PABPC1: variants seen among roughly 807,000 people sequenced by gnomAD.
PABPC1 encodes polyadenylate-binding protein 1.
A neutral mutation model predicts 74.0 loss-of-function variants in PABPC1; 4 were observed. The observed-to-expected ratio is 0.05, with a 90% confidence interval of 0.03 to 0.12. The LOEUF is 0.12. Among genes scored for constraint, PABPC1 ranks in the 10% least tolerant of loss-of-function variants. The pLI, the probability that PABPC1 is intolerant of heterozygous loss-of-function variation, is 1.00. For missense variants in PABPC1, 271 were observed against 821.1 expected, an observed-to-expected ratio of 0.33 and a Z score of 8.19; for synonymous variants, 227 against 264.1, an observed-to-expected ratio of 0.86 and a Z score of 1.36.
chr8:100,713,319 CAGGT>C (rs1162902138), intron 4 of PABPC1, 138 bp from the exon 5 acceptor site: 2 of 514,654 alleles, frequency 3.9e-6, no homozygotes, highest in Non-Finnish European at 6.8e-6. Flanking sequence ...TTCTATGCCC[CAGGT>C]AGGTATACTT....
At position 100,709,434 on chromosome 8, in the gene PABPC1, G is replaced by A. The variant is rs1810471054; in HGVS notation, c.1245+25C>T. ...ATGACCAAATACGAAAACCTTCATG[G>A]TTCTGGTTGCCTTCTAAAACCTACC... On this transcript the variant is annotated intron_variant, in intron 8 of 14. Transcript: ENST00000318607. 2.5e-6 allele frequency: 4 copies of A among 1,613,628 alleles called. No individual in the cohort carries two copies. The East Asian group carries it at 8.9e-5, about 36-fold the overall frequency.
At chr8:100,711,669 A>T (rs1189256510) in intron 7 of PABPC1, among the ~76,000 whole-genome samples, 1 of 152,248 alleles carries the variant, frequency 6.6e-6, no homozygotes, top group African/African-American at 2.4e-5. Context: ...TCTTACTTGT[A>T]TTCAACCACC....
chr8:100,719,772 G>T (rs1485280316), intron 1 of PABPC1, among the ~76,000 whole-genome samples: 1 of 152,152 alleles, frequency 6.6e-6, no homozygotes, highest in East Asian at 1.9e-4. Context: ...TCATTTTGTG[G>T]TCTCTAGAAT....
intron 1 of PABPC1, 28 bp from the exon 2 acceptor site, chr8:100,718,308 T>C (rs561670397): frequency 5.7e-6 from 9 of 1,584,304 alleles, no homozygotes; most frequent in African/African-American, 2.7e-5. Context: ...TCAGAGTCAA[T>C]ATTACTTCAA....
chr8:100,712,386 T>A lies in PABPC1; in HGVS notation c.948A>T (p.Pro316=), dbSNP rs1477862478. ...DDERLRKEFS[P]FGTITSAKVM... Reference sequence around the variant, plus strand: ...CCTTTGCACTAGTGATTGTACCAAATGGAGAAAACTCTTTCCGGAGACGTT... The same window carrying A: ...CCTTTGCACTAGTGATTGTACCAAAAGGAGAAAACTCTTTCCGGAGACGTT... Residue 316 remains proline, a synonymous_variant, in exon 7 of 15, where the codon CCA becomes CCT. Coordinates refer to ENST00000318607, the MANE Select transcript of PABPC1 (RefSeq NM_002568.4). 6.2e-7 allele frequency: 1 copy of A among 1,605,710 alleles called. No individual in the cohort carries two copies. The highest frequency in any genetic ancestry group is 1.3e-5 in the African/African-American group (1 of 74,618).
chr8:100,709,957 A>C, intron 7 of PABPC1: 1 of 458,706 alleles, frequency 2.2e-6, no homozygotes, highest in Non-Finnish European at 3.9e-6. Flanking sequence ...AACTGACAGA[A>C]GTGAAGGCTG....
At chr8:100,713,224 A>G (rs1208180279) in intron 4 of PABPC1, 43 bp from the exon 5 acceptor site, 2 of 1,163,632 alleles carry the variant, frequency 1.7e-6, no homozygotes, top group Non-Finnish European at 2.5e-6. Flanking sequence ...TCCATACAAC[A>G]TTCACGTTAT....
chr8:100,713,038 G>A (rs1368398620), intron 5 of PABPC1, 49 bp downstream of exon 5: 3 of 1,305,136 alleles, frequency 2.3e-6, no homozygotes, highest in Non-Finnish European at 3.2e-6. Flanking sequence ...CAACACAAGA[G>A]CAACTCAACT....
At position 100,721,642 on chromosome 8, in the gene PABPC1, G is replaced by C. The variant is rs985354048; in HGVS notation, c.-59C>G. 1.1e-5 allele frequency: 15 copies of C among 1,332,862 alleles called. No homozygotes were observed. Among genetic ancestry groups the C allele is most frequent in the Non-Finnish European group, 1.3e-5 (13 of 1,015,392 alleles). 82.6% of individuals were successfully genotyped at this position (1,332,862 alleles called of 1,614,324 possible). On this transcript the variant is annotated 5_prime_UTR_variant, in exon 1 of 15. Coordinates refer to ENST00000318607, the MANE Select transcript of PABPC1 (RefSeq NM_002568.4). The surrounding 1 kb of genome is among the most constrained non-coding windows in gnomAD (Gnocchi z 7.4). ...GACCTTTCCGTGAGAGGAGGAGAGC[G>C]AGTGCCGGGGCTGGGGGCCGGAGCC...
At position 100,704,309 on chromosome 8, in the gene PABPC1, G is replaced by A. The variant is rs1810325165; in HGVS notation, c.1900C>T (p.Pro634Ser). The change falls in exon 14 of 15, where the codon CCA (proline) becomes TCA (serine). Residue 634 changes from proline (P) to serine (S), a missense_variant. Transcript: ENST00000318607. ...QKAVNSATGV[P>S]TV The stretch of plus-strand genomic sequence containing the variant: ...GGGAAAAGCTCACTTTAAACAGTTG[G>A]AACACCGGTGGCACTGTTAACTGCT... 1 of 1,613,016 alleles carries A rather than the reference G, an allele frequency of 6.2e-7. No individual in the cohort carries two copies. Among genetic ancestry groups the A allele is most frequent in the Middle Eastern group, 1.7e-4 (1 of 6,060 alleles).
intron 1 of PABPC1, among the ~76,000 whole-genome samples, chr8:100,718,844 T>C (rs370336551): frequency 6.6e-6 from 1 of 152,224 alleles, no homozygotes; most frequent in Non-Finnish European, 1.5e-5. Flanking sequence ...CAGTGATTCA[T>C]GGCACAACTT....
intron 5 of PABPC1, 97 bp downstream of exon 5, chr8:100,712,990 A>G: frequency 9.5e-7 from 1 of 1,053,240 alleles, no homozygotes; most frequent in South Asian, 1.6e-5. Context: ...TGAAAATATA[A>G]GAACATGTCA....
Position 100,721,276 on chromosome 8 carries a change from G to T in PABPC1, c.193+115C>A. 2.5e-6 allele frequency: 1 copy of T among 393,908 alleles called. No individual in the cohort carries two copies. The highest frequency in any genetic ancestry group is 3.6e-6 in the Non-Finnish European group (1 of 277,996). The allele number at this position is 393,908 out of a possible 1,614,324, so 24.4% of individuals were successfully genotyped here. ...GGCGCCTTCCCGCCGGCCGTCGCGG[G>T]GTGACATGCCCTCCCGCCCCCCTCC... On this transcript the variant is annotated intron_variant, in intron 1 of 14. Coordinates refer to ENST00000318607, the MANE Select transcript of PABPC1 (RefSeq NM_002568.4). This position sits in a 1 kb window ranked among gnomAD's most constrained non-coding sequence, Gnocchi z 7.4.
At chr8:100,704,240 CT>C in intron 14 of PABPC1, 56 bp downstream of exon 14, 3 of 1,333,364 alleles carry the variant, frequency 2.2e-6, no homozygotes, top group Non-Finnish European at 3.2e-6. Flanking sequence ...GCTCAACAAA[CT>C]TTATAAAAGA....
intron 8 of PABPC1, 71 bp from the exon 9 acceptor site, chr8:100,709,294 C>T: frequency 3.3e-6 from 5 of 1,497,792 alleles, no homozygotes; most frequent in Non-Finnish European, 4.6e-6. Context: ...ATTATATGTA[C>T]TTTTTCAAAA....
rs34574721 is a variant in PABPC1, at chr8:100,712,798, C to CA, written c.739-10dup. On this transcript the variant is annotated splice_polypyrimidine_tract_variant and intron_variant, in intron 5 of 14. Coordinates refer to ENST00000318607, the MANE Select transcript of PABPC1 (RefSeq NM_002568.4). ...TTCATCTCATCCACAGCCTTCCCCC[C>CA]AAAAAAAAAGAAAAAAAAAAAATCA... 0.15 allele frequency: 211,754 copies of CA among 1,448,302 alleles called. 12,982 individuals are homozygous for CA. Among genetic ancestry groups the CA allele is most frequent in the East Asian group, 0.29 (11,941 of 40,866 alleles). The allele number at this position is 1,448,302 out of a possible 1,614,324, so 89.7% of individuals were successfully genotyped here. A position where few individuals can be genotyped will look rare whatever the true frequency, so the allele number is the denominator to read the frequency against.
At chr8:100,715,350 G>T in intron 4 of PABPC1, 112 bp downstream of exon 4, 1 of 900,078 alleles carries the variant, frequency 1.1e-6, no homozygotes, top group Non-Finnish European at 1.7e-6. Flanking sequence ...ATATTTTAAA[G>T]TACCATGTAA....
chr8:100,720,918 G>A (rs879852507), intron 1 of PABPC1, among the ~76,000 whole-genome samples: 4 of 152,194 alleles, frequency 2.6e-5, no homozygotes, highest in Admixed American at 1.3e-4. Context: ...CCTCGGGCCT[G>A]CGAGGTTACA....
chr8:100,705,761 T>TAA lies in PABPC1; in HGVS notation c.1603-89_1603-88insTT, dbSNP rs1810362363. The TAA allele has an allele frequency of 1.1e-5, 9 of 836,260 alleles. No homozygotes were observed. In the South Asian group the frequency reaches 1.3e-4, roughly 12 times the overall value. 51.8% of individuals were successfully genotyped at this position (836,260 alleles called of 1,614,324 possible). The stretch of plus-strand genomic sequence containing the variant: ...CATCAATGGACATCTGCTGAAGTGG[T>TAA]AGACTTCCATCGAAACATGAGGTGG... On this transcript the variant is annotated intron_variant, in intron 11 of 14. Coordinates refer to ENST00000318607, the MANE Select transcript of PABPC1 (RefSeq NM_002568.4).
Sources: allele counts gnomAD v4.1 joint callset (sites outside exome capture counted in the v4.1 genomes callset), GRCh38; gene constraint gnomAD v4.1.1; non-coding constraint Gnocchi (gnomAD v3.1); transcripts MANE v1.5; gene names NCBI Gene and HGNC (gene_info 2026-07-23, HGNC 2026-07-21).